CSMD3: variants seen among roughly 807,000 people sequenced by gnomAD.
CSMD3 encodes CUB and sushi domain-containing protein 3.
Under a neutral mutation model 435.2 loss-of-function variants are expected in CSMD3, and 177 were observed. The observed-to-expected ratio is 0.41, with a 90% CI of 0.36 to 0.46. The LOEUF (loss-of-function observed/expected upper bound fraction) is 0.46. Ranked by LOEUF, CSMD3 falls within the 20% of genes least tolerant of loss-of-function variation. The probability of loss-of-function intolerance (pLI) is 0.34; values close to 1 mark genes in which losing one functional copy is unlikely to be tolerated. For missense variants in CSMD3, 4,265 were observed against 4,504.6 expected, an observed-to-expected ratio of 0.95 and a Z score of 1.52; for synonymous variants, 1,656 against 1,520.5, an observed-to-expected ratio of 1.09 and a Z score of -2.07.
At chr8:113,239,974 T>G (rs537566138) in intron 3 of CSMD3, among the ~76,000 whole-genome samples, 1 of 152,054 alleles carries the variant, frequency 6.6e-6, no homozygotes, top group South Asian at 2.1e-4. Flanking sequence ...TAGTACTCAT[T>G]AGTAATTTTT....
intron 4 of CSMD3, among the ~76,000 whole-genome samples, chr8:113,111,937 T>G (rs1314687451): frequency 6.6e-6 from 1 of 152,076 alleles, no homozygotes; most frequent in African/African-American, 2.4e-5. Flanking sequence ...CGCCTCAGCC[T>G]CCCAAAGTGC....
chr8:113,172,544 C>T (rs1406986733), intron 4 of CSMD3, among the ~76,000 whole-genome samples: 1 of 152,130 alleles, frequency 6.6e-6, no homozygotes, highest in African/African-American at 2.4e-5. Flanking sequence ...CTTATTTAAT[C>T]CTCACAAGAA....
At chr8:113,173,157 T>C (rs984725329) in intron 4 of CSMD3, among the ~76,000 whole-genome samples, 2 of 152,108 alleles carry the variant, frequency 1.3e-5, no homozygotes, top group Non-Finnish European at 2.9e-5. Context: ...AATATAAATA[T>C]GAAAGCATAT....
At chr8:112,823,490 A>G (rs147989990) in intron 12 of CSMD3, among the ~76,000 whole-genome samples, 380 of 152,246 alleles carry the variant, frequency 2.5e-3, no homozygotes, top group African/African-American at 8.8e-3. Context: ...ACACTACTTT[A>G]GCTGTGTCCC....
chr8:112,787,665 T>G (rs1156333710), intron 13 of CSMD3, among the ~76,000 whole-genome samples: 1 of 152,042 alleles, frequency 6.6e-6, no homozygotes, highest in Non-Finnish European at 1.5e-5. Context: ...GGACAACATG[T>G]AAAGTGAAAT....
At chr8:112,330,263 A>T (rs1823907901) in intron 45 of CSMD3, among the ~76,000 whole-genome samples, 1 of 152,146 alleles carries the variant, frequency 6.6e-6, no homozygotes, top group Non-Finnish European at 1.5e-5. Context: ...CAGGCCTTTT[A>T]AATACATTTC....
chr8:113,188,480 A>G (rs1199641825), intron 3 of CSMD3, among the ~76,000 whole-genome samples: 1 of 151,998 alleles, frequency 6.6e-6, no homozygotes, highest in Non-Finnish European at 1.5e-5. Flanking sequence ...GCCAAGTACA[A>G]TAATCCTTAT....
At chr8:112,869,879 T>G (rs1007912997) in intron 10 of CSMD3, among the ~76,000 whole-genome samples, 1 of 151,800 alleles carries the variant, frequency 6.6e-6, no homozygotes, top group South Asian at 2.1e-4. Context: ...CCCGGGCCTG[T>G]TGGGGTGGGG....
rs1160377537 is a variant in CSMD3, at chr8:112,241,514, C to T, written c.10468+206G>A. ...GGGAAATTTTAATATTTTTAGCAGA[C>T]GGAACTATGAACAATACTTTTGGAA... On this transcript the variant is annotated intron_variant, in intron 66 of 70. Coordinates refer to ENST00000297405, the MANE Select transcript of CSMD3 (RefSeq NM_198123.2). Among the ~76,000 whole-genome samples, 7 of 152,024 alleles carry T rather than the reference C, an allele frequency of 4.6e-5. 1 individual carries two copies. The South Asian group carries it at 1.0e-3, about 23-fold the overall frequency.
At chr8:113,416,724 AT>A (rs2094583150) in intron 1 of CSMD3, among the ~76,000 whole-genome samples, 1 of 152,124 alleles carries the variant, frequency 6.6e-6, no homozygotes, top group African/African-American at 2.4e-5. Context: ...CTACTAAATT[AT>A]TAGTGAATTA....
In CSMD3 at chr8:112,879,204, A is replaced by G. The variant is rs189004054; in HGVS notation, c.1634-19938T>C. On this transcript the variant is annotated intron_variant, in intron 10 of 70. Coordinates refer to ENST00000297405, the MANE Select transcript of CSMD3 (RefSeq NM_198123.2). ...AATATTAATAATTAACAGCCCTGGG[A>G]AAAGAATACATTCCCAGGAGGAAGC... 9.9e-5 allele frequency among the ~76,000 whole-genome samples: 15 copies of G among 152,212 alleles called. No homozygotes were observed. In the East Asian group the frequency reaches 2.9e-3, roughly 30 times the overall value.
chr8:112,549,355 CTTATT>C (rs1157202340), intron 27 of CSMD3, among the ~76,000 whole-genome samples: 1 of 151,836 alleles, frequency 6.6e-6, no homozygotes, highest in Admixed American at 6.6e-5. Flanking sequence ...TGATTATTTT[CTTATT>C]TTATTCCATT....
At chr8:112,262,215 A>G (rs1371244908) in intron 61 of CSMD3, among the ~76,000 whole-genome samples, 3 of 151,906 alleles carry the variant, frequency 2.0e-5, no homozygotes, top group African/African-American at 7.3e-5. Context: ...TGCCTTGCAG[A>G]CTTAATTAAA....
rs1829707769 is a variant in CSMD3 at position 112,573,618 on chromosome 8, C to T, written c.3925G>A (p.Ala1309Thr). 6.2e-7 allele frequency: 1 copy of T among 1,612,948 alleles called. No homozygotes were observed. The highest frequency in any genetic ancestry group is 2.2e-5 in the East Asian group (1 of 44,788). Reference protein sequence around the residue: ...GKDKTTHLLGAFTGASMRGLT... With the variant: ...GKDKTTHLLGTFTGASMRGLT... ...CCGCGCATAGATGCACCAGTAAAAG[C>T]ACCTAGTAGATGAGTCGTTTTATCT... The change falls in exon 24 of 71, where the codon GCT (alanine) becomes ACT (threonine). Residue 1309 changes from alanine (A) to threonine (T), a missense_variant. Transcript: ENST00000297405.
chr8:112,758,636 T>C (rs1442020353), intron 13 of CSMD3, among the ~76,000 whole-genome samples: 1 of 152,120 alleles, frequency 6.6e-6, no homozygotes, highest in Non-Finnish European at 1.5e-5. Context: ...CCATTTGAAT[T>C]CAAACTTTAC....
At chr8:113,259,148 C>T (rs1367313710) in intron 3 of CSMD3, among the ~76,000 whole-genome samples, 2 of 152,076 alleles carry the variant, frequency 1.3e-5, no homozygotes, top group East Asian at 1.9e-4. Flanking sequence ...CTTATATGTG[C>T]CTTTGGCCAT....
At chr8:112,909,036 T>C (rs1465217589) in intron 10 of CSMD3, among the ~76,000 whole-genome samples, 6 of 151,614 alleles carry the variant, frequency 4.0e-5, no homozygotes, top group East Asian at 1.9e-4. Context: ...TCTTTTTTTT[T>C]CCCTCAGAAT....
intron 31 of CSMD3, among the ~76,000 whole-genome samples, chr8:112,492,085 TTAA>T (rs1441037266): frequency 2.6e-5 from 4 of 152,334 alleles, no homozygotes; most frequent in Admixed American, 6.5e-5. Context: ...TCACCAGTTC[TTAA>T]TAATATTTAA....
rs181830318 is a variant in CSMD3 at position 112,734,536 on chromosome 8, C to A, written c.1973-44486G>T. Among the ~76,000 whole-genome samples the A allele has an allele frequency of 1.1e-4, 16 of 151,958 alleles. No homozygotes were observed. The East Asian group carries it at 1.5e-3, about 15-fold the overall frequency. On this transcript the variant is annotated intron_variant, in intron 13 of 70. Coordinates refer to ENST00000297405, the MANE Select transcript of CSMD3 (RefSeq NM_198123.2). ...TCAATTTTTTGTGAGACTTTTGTCT[C>A]AGAGAAATGATATAACATTAGTTCT... is the stretch of plus-strand genomic sequence containing the variant.
Sources: gnomAD v4.1 joint callset for allele counts (sites outside exome capture counted in the v4.1 genomes callset) on GRCh38, gnomAD v4.1.1 for gene constraint, MANE v1.5 for transcripts, NCBI Gene and HGNC (gene_info 2026-07-23, HGNC 2026-07-21) for gene names.